Variants in RPS6KC1 observed in about 807,000 individuals in gnomAD.
RPS6KC1 encodes the protein inactive ribosomal protein S6 kinase delta-1.
A neutral mutation model predicts 103.8 loss-of-function variants in RPS6KC1; 54 were observed. That is an observed-to-expected ratio of 0.52 (90% CI 0.42 to 0.65). The LOEUF is 0.65. Among genes scored for constraint, RPS6KC1 ranks in the 30% least tolerant of loss-of-function variants. The probability of loss-of-function intolerance (pLI) is 0.00; values close to 1 mark genes in which losing one functional copy is unlikely to be tolerated. For synonymous variants in RPS6KC1, 439 were observed against 438.7 expected (o/e 1.00, Z -0.01); for missense variants, 1,151 against 1,253.8 (o/e 0.92, Z 1.24).
the RPS6KC1 span, among the ~76,000 whole-genome samples, chr1:213,535,247 A>C: frequency 4.6e-5 from 7 of 152,360 alleles, no homozygotes; most frequent in East Asian, 1.2e-3. Context: ...GAGCAGAATA[A>C]AACTAGAAAA....
chr1:213,435,012 A>T, the RPS6KC1 span, among the ~76,000 whole-genome samples: 2 of 151,544 alleles, frequency 1.3e-5, no homozygotes, highest in African/African-American at 4.9e-5. Context: ...CATTTACAGC[A>T]CTCCTATAAT....
chr1:213,113,920 T>G (rs1202507387), intron 4 of RPS6KC1, among the ~76,000 whole-genome samples: 3 of 152,172 alleles, frequency 2.0e-5, no homozygotes, highest in Non-Finnish European at 4.4e-5. Context: ...TTGATCTATA[T>G]CTCTATTTTG....
At chr1:213,325,903 C>T in the RPS6KC1 span, among the ~76,000 whole-genome samples, 2 of 152,202 alleles carry the variant, frequency 1.3e-5, no homozygotes, top group Non-Finnish European at 2.9e-5. Flanking sequence ...GCCCATGTTC[C>T]CCTGGAAAGC....
the RPS6KC1 span, among the ~76,000 whole-genome samples, chr1:213,856,877 G>T: frequency 6.6e-6 from 1 of 152,158 alleles, no homozygotes; most frequent in African/African-American, 2.4e-5. Context: ...AGTCACTTAA[G>T]TTCTCAAAGA....
chr1:213,791,873 C>T, the RPS6KC1 span, among the ~76,000 whole-genome samples: 874 of 152,230 alleles, frequency 5.7e-3, 10 homozygotes, highest in African/African-American at 0.02. Flanking sequence ...CATTACCTAC[C>T]GAACTGTCGG....
intron 3 of RPS6KC1, among the ~76,000 whole-genome samples, chr1:213,091,915 A>G (rs112740838): frequency 1.3e-5 from 2 of 151,974 alleles, no homozygotes; most frequent in African/African-American, 4.8e-5. Flanking sequence ...AATAATTTTT[A>G]CTGCTTTATC....
the RPS6KC1 span, among the ~76,000 whole-genome samples, chr1:213,424,445 C>G: frequency 6.6e-6 from 1 of 152,224 alleles, no homozygotes; most frequent in Non-Finnish European, 1.5e-5. Flanking sequence ...GTTTCGAGAG[C>G]TCTTTCTATC....
At chr1:213,090,638 T>C (rs541843484) in intron 3 of RPS6KC1, among the ~76,000 whole-genome samples, 8 of 152,328 alleles carry the variant, frequency 5.3e-5, no homozygotes, top group African/African-American at 1.9e-4. Flanking sequence ...TTTCTACACA[T>C]CTATTCTCAT....
the RPS6KC1 span, among the ~76,000 whole-genome samples, chr1:213,511,625 CTA>C: frequency 2.0e-5 from 3 of 152,192 alleles, no homozygotes; most frequent in Non-Finnish European, 2.9e-5. Flanking sequence ...TCTGGCACCC[CTA>C]TGTCTTCACC....
the RPS6KC1 span, among the ~76,000 whole-genome samples, chr1:213,646,840 G>A: frequency 6.6e-6 from 1 of 151,448 alleles, no homozygotes; most frequent in South Asian, 2.1e-4. Flanking sequence ...AGTGACTCCA[G>A]AATAATGTGT....
chr1:213,840,270 G>A, the RPS6KC1 span: 3 of 151,996 alleles, frequency 2.0e-5, no homozygotes, highest in Non-Finnish European at 2.9e-5. Flanking sequence ...ATCTTTTATT[G>A]TTCTTTACCA....
the RPS6KC1 span, among the ~76,000 whole-genome samples, chr1:213,501,732 C>CAAAAAAAAA: frequency 1.6e-5 from 2 of 127,006 alleles, no homozygotes; most frequent in African/African-American, 3.0e-5. Flanking sequence ...GAGAGTCCAT[C>CAAAAAAAAA]AAAAAAAAAA....
At chr1:213,454,184 G>A in the RPS6KC1 span, among the ~76,000 whole-genome samples, 1 of 152,010 alleles carries the variant, frequency 6.6e-6, no homozygotes, top group Non-Finnish European at 1.5e-5. Flanking sequence ...GTGTTCAAGG[G>A]TCAACTCTAT....
the RPS6KC1 span, among the ~76,000 whole-genome samples, chr1:213,310,847 C>G: frequency 6.6e-6 from 1 of 152,164 alleles, no homozygotes; most frequent in Non-Finnish European, 1.5e-5. Context: ...GCTGGTGGCA[C>G]GTGTTTCTGG....
the RPS6KC1 span, among the ~76,000 whole-genome samples, chr1:213,287,060 AT>A: frequency 6.6e-6 from 1 of 152,256 alleles, no homozygotes; most frequent in African/African-American, 2.4e-5. Flanking sequence ...TTTAAGAAGT[AT>A]TTTTAAGAAG....
At chr1:213,508,757 A>G in the RPS6KC1 span, among the ~76,000 whole-genome samples, 2 of 152,180 alleles carry the variant, frequency 1.3e-5, no homozygotes, top group Non-Finnish European at 2.9e-5. Context: ...CAGGGTTTTC[A>G]TGTTAACCTG....
chr1:213,272,916 A>G lies in RPS6KC1; in HGVS notation c.*282A>G, dbSNP rs2095078034. On this transcript the variant is annotated 3_prime_UTR_variant, in exon 15 of 15. Transcript: ENST00000366960. ...TGCAGATGAGTTGTAAAGCCAACTG[A>G]AAGAGTTCCTTCAAGAAGTTCCTCT... is the stretch of plus-strand genomic sequence containing the variant. The G allele has an allele frequency of 4.4e-6, 1 of 224,916 alleles. No homozygotes were observed. The allele number at this position is 224,916 out of a possible 1,614,324, so 13.9% of individuals were successfully genotyped here. A position where few individuals can be genotyped will look rare whatever the true frequency, so the allele number is the denominator to read the frequency against.
At chr1:213,284,725 C>A in the RPS6KC1 span, among the ~76,000 whole-genome samples, 2 of 151,844 alleles carry the variant, frequency 1.3e-5, no homozygotes, top group South Asian at 4.2e-4. Flanking sequence ...AAGAAAACTT[C>A]TGAAATTTAA....
At chr1:213,826,748 T>C in the RPS6KC1 span, among the ~76,000 whole-genome samples, 16 of 152,318 alleles carry the variant, frequency 1.1e-4, no homozygotes, top group African/African-American at 3.4e-4. Context: ...ATTAACTCTT[T>C]TAATCCTCAG....
Sources: allele counts gnomAD v4.1 joint callset (sites outside exome capture counted in the v4.1 genomes callset), GRCh38; gene constraint gnomAD v4.1.1; transcripts MANE v1.5; gene names NCBI Gene and HGNC (gene_info 2026-07-23, HGNC 2026-07-21).